Variants in MRRF observed in about 807,000 individuals in gnomAD.
MRRF encodes mitochondrial ribosome recycling factor, also known as ribosome-recycling factor, mitochondrial.
A neutral mutation model predicts 25.1 loss-of-function variants in MRRF; 18 were observed. The observed-to-expected ratio is 0.72, with a 90% CI of 0.50 to 1.06. The LOEUF (loss-of-function observed/expected upper bound fraction) is 1.06. MRRF is among the 50% of genes least tolerant of loss of function. The probability of loss-of-function intolerance (pLI) is 0.00; values close to 1 mark genes in which losing one functional copy is unlikely to be tolerated. For synonymous variants in MRRF, 113 were observed against 112.1 expected (o/e 1.01, Z -0.05); for missense variants, 323 against 319.3 (o/e 1.01, Z -0.09).
chr9:122,314,841 T>C (rs552836707), intron 6 of MRRF, among the ~76,000 whole-genome samples: 11 of 152,116 alleles, frequency 7.2e-5, no homozygotes, highest in Non-Finnish European at 1.5e-4. Flanking sequence ...GGAGATAGAA[T>C]TAGTAATGTT....
chr9:122,286,016 G>A (rs1187260874), intron 4 of MRRF: 1 of 1,301,480 alleles, frequency 7.7e-7, no homozygotes, highest in Non-Finnish European at 1.0e-6. Context: ...AGGTAATTGG[G>A]CTTTTTGTTA....
At position 122,326,229 on chromosome 9, in the gene MRRF, C is replaced by T. The variant is rs1172585937; in HGVS notation, c.*3612C>T. 2 of 151,778 alleles carry T rather than the reference C, an allele frequency of 1.3e-5. No homozygotes were observed. Among genetic ancestry groups the T allele is most frequent in the Non-Finnish European group, 2.9e-5 (2 of 68,002 alleles). The allele number at this position is 151,778 out of a possible 1,614,324, so 9.4% of individuals were successfully genotyped here. ...TTCAAGCAGTTTTCCCTGCTTCAGC[C>T]TCCTGAGTAGCTGGGATTACAGGCG... On this transcript the variant is annotated 3_prime_UTR_variant, in exon 7 of 7. Transcript: ENST00000344641.
At chr9:122,318,671 A>T (rs564890810) in intron 6 of MRRF, among the ~76,000 whole-genome samples, 5 of 152,322 alleles carry the variant, frequency 3.3e-5, no homozygotes, top group African/African-American at 1.2e-4. Context: ...AGCAAATGTG[A>T]TGATGATAAT....
Position 122,324,838 on chromosome 9 carries a change from C to A in MRRF, c.*2221C>A, listed in dbSNP as rs1218337361. ...AGGTCAAAATTGGGTCAAAGTTAAACTAACACAGTCTCCTGCCCCACTTAC... is the reference window on the plus strand; with the variant it reads ...AGGTCAAAATTGGGTCAAAGTTAAAATAACACAGTCTCCTGCCCCACTTAC... On this transcript the variant is annotated 3_prime_UTR_variant, in exon 7 of 7. Transcript: ENST00000344641. The A allele has an allele frequency of 6.6e-6, 1 of 152,242 alleles. No homozygotes were observed. The highest frequency in any genetic ancestry group is 1.5e-5 in the Non-Finnish European group (1 of 68,072). 9.4% of individuals were successfully genotyped at this position (152,242 alleles called of 1,614,324 possible).
chr9:122,286,083 C>G (rs1350024961), intron 4 of MRRF: 28 of 1,274,670 alleles, frequency 2.2e-5, no homozygotes, highest in Non-Finnish European at 2.8e-5. Flanking sequence ...GAATCCGGTC[C>G]CATCTCTACC....
intron 4 of MRRF, among the ~76,000 whole-genome samples, chr9:122,290,777 T>C (rs1481579795): frequency 1.3e-5 from 2 of 152,108 alleles, no homozygotes; most frequent in Non-Finnish European, 2.9e-5. Flanking sequence ...GCATACAAGG[T>C]ATAGTTATAA....
intron 1 of MRRF, among the ~76,000 whole-genome samples, chr9:122,270,258 A>T (rs1832367698): frequency 6.6e-6 from 1 of 152,222 alleles, no homozygotes. Flanking sequence ...AGAATGCGTA[A>T]CTTGTGTTAA....
intron 2 of MRRF, among the ~76,000 whole-genome samples, chr9:122,276,421 G>A (rs917711459): frequency 7.9e-5 from 12 of 152,146 alleles, no homozygotes; most frequent in African/African-American, 2.4e-4. Flanking sequence ...CTTCCAGAGC[G>A]CTGGGATCAC....
At chr9:122,304,014 G>T (rs1834650725) in intron 5 of MRRF, among the ~76,000 whole-genome samples, 1 of 151,012 alleles carries the variant, frequency 6.6e-6, no homozygotes. Flanking sequence ...ACACAGAGTA[G>T]TGTCTGTAGT....
chr9:122,327,767 C>G lies in MRRF; in HGVS notation c.*5150C>G. 1 of 151,966 alleles carries G rather than the reference C, an allele frequency of 6.6e-6. No individual in the cohort carries two copies. Among genetic ancestry groups the G allele is most frequent in the East Asian group, 1.9e-4 (1 of 5,182 alleles). The allele number at this position is 151,966 out of a possible 1,614,324, so 9.4% of individuals were successfully genotyped here. On this transcript the variant is annotated 3_prime_UTR_variant, in exon 7 of 7. Transcript: ENST00000344641. ...TCAGTGCTCTTAGTCTGAATTTTAT[C>G]TTGTTGTATATCAGGATTACAGCTC...
chr9:122,297,519 C>A (rs1246519994), intron 5 of MRRF, among the ~76,000 whole-genome samples: 1 of 151,354 alleles, frequency 6.6e-6, no homozygotes, highest in Non-Finnish European at 1.5e-5. Flanking sequence ...TATGAGAATT[C>A]TTCCTCACTC....
chr9:122,303,466 A>T lies in MRRF; in HGVS notation c.552-9761A>T, dbSNP rs1834602885. 2.0e-5 allele frequency among the ~76,000 whole-genome samples: 3 copies of T among 152,010 alleles called. No individual in the cohort carries two copies. In the South Asian group the frequency reaches 6.2e-4, roughly 32 times the overall value. On this transcript the variant is annotated intron_variant, in intron 5 of 6. Coordinates refer to ENST00000344641, the MANE Select transcript of MRRF (RefSeq NM_138777.5). Reference sequence around the variant, plus strand: ...TGGCACAATCACAATTAGTGGCCCTAACCTCCTGGGCTCAAGCGATCCTCC... The same window carrying T: ...TGGCACAATCACAATTAGTGGCCCTTACCTCCTGGGCTCAAGCGATCCTCC...
rs529926457 is a variant in MRRF at position 122,326,403 on chromosome 9, G to T, written c.*3786G>T. On this transcript the variant is annotated 3_prime_UTR_variant, in exon 7 of 7. Transcript: ENST00000344641. The stretch of plus-strand genomic sequence containing the variant: ...TGGGATTACAGGCATGAACCACTGC[G>T]CCCGGCCATATAATTTTTTAGAAGG... 2.6e-5 allele frequency: 4 copies of T among 151,904 alleles called. No homozygotes were observed. Among genetic ancestry groups the T allele is most frequent in the Non-Finnish European group, 5.9e-5 (4 of 67,980 alleles). 9.4% of individuals were successfully genotyped at this position (151,904 alleles called of 1,614,324 possible).
rs886885621 is a variant in MRRF, at chr9:122,328,350, A to G, written c.*5733A>G. 1 of 152,170 alleles carries G rather than the reference A, an allele frequency of 6.6e-6. No homozygotes were observed. The highest frequency in any genetic ancestry group is 1.5e-5 in the Non-Finnish European group (1 of 68,038). The allele number at this position is 152,170 out of a possible 1,614,324, so 9.4% of individuals were successfully genotyped here. On this transcript the variant is annotated 3_prime_UTR_variant, in exon 7 of 7. Transcript: ENST00000344641. ...GTACAACCATCCTCCAGAACTCTTT[A>G]CCATGCAGAACTGACGCTCTATACC...
intron 4 of MRRF, among the ~76,000 whole-genome samples, chr9:122,286,846 T>G (rs527620936): frequency 6.6e-6 from 1 of 152,328 alleles, no homozygotes; most frequent in East Asian, 1.9e-4. Context: ...CAAGAAACAG[T>G]CCAAAATCTT....
chr9:122,327,203 T>C lies in MRRF; in HGVS notation c.*4586T>C, dbSNP rs1836167711. The C allele has an allele frequency of 6.6e-6, 1 of 152,204 alleles. No individual in the cohort carries two copies. The highest frequency in any genetic ancestry group is 1.5e-5 in the Non-Finnish European group (1 of 68,042). 9.4% of individuals were successfully genotyped at this position (152,204 alleles called of 1,614,324 possible). On this transcript the variant is annotated 3_prime_UTR_variant, in exon 7 of 7. Coordinates refer to ENST00000344641, the MANE Select transcript of MRRF (RefSeq NM_138777.5). ...TTAATCCCCCACCTGTTTGGCCAAC[T>C]TCTCTAGAATATGTCAGAGAGCAAG... is the stretch of plus-strand genomic sequence containing the variant.
At position 122,328,106 on chromosome 9, in the gene MRRF, A is replaced by G. The variant is rs1211054796; in HGVS notation, c.*5489A>G. 2.0e-5 allele frequency: 3 copies of G among 152,034 alleles called. No individual in the cohort carries two copies. The highest frequency in any genetic ancestry group is 4.4e-5 in the Non-Finnish European group (3 of 68,042). 9.4% of individuals were successfully genotyped at this position (152,034 alleles called of 1,614,324 possible). A position where few individuals can be genotyped will look rare whatever the true frequency, so the allele number is the denominator to read the frequency against. On this transcript the variant is annotated 3_prime_UTR_variant, in exon 7 of 7. Transcript: ENST00000344641. The stretch of plus-strand genomic sequence containing the variant: ...CACCTCAGCCTCCTGAGTAGCTGGG[A>G]TTACAGCCACGTGCACCGCCACACC...
intron 4 of MRRF, among the ~76,000 whole-genome samples, chr9:122,291,257 T>G (rs1833743398): frequency 6.6e-6 from 1 of 152,232 alleles, no homozygotes; most frequent in Non-Finnish European, 1.5e-5. Flanking sequence ...AGAGATTCAT[T>G]GCTCATTCCA....
rs185311916 is a variant in MRRF, at chr9:122,279,375, G to A, written c.185-1068G>A. The stretch of plus-strand genomic sequence containing the variant: ...ATCACTATTCTTCCTACCTCAGAGA[G>A]CTATCTTGGATAGCAAGGAGGAGAA... On this transcript the variant is annotated intron_variant, in intron 2 of 6. Coordinates refer to ENST00000344641, the MANE Select transcript of MRRF (RefSeq NM_138777.5). Among the ~76,000 whole-genome samples, 710 of 152,308 alleles carry A rather than the reference G, an allele frequency of 4.7e-3. 7 individuals are homozygous for A. Among genetic ancestry groups the A allele is most frequent in the Non-Finnish European group, 6.0e-3 (405 of 68,026 alleles).
Sources: gnomAD v4.1 joint callset for allele counts (sites outside exome capture counted in the v4.1 genomes callset) on GRCh38, gnomAD v4.1.1 for gene constraint, MANE v1.5 for transcripts, NCBI Gene and HGNC (gene_info 2026-07-23, HGNC 2026-07-21) for gene names.